The following SEMA5A variants were observed in gnomAD, a reference collection of about 807,000 sequenced individuals.
SEMA5A encodes semaphorin 5A.
Under a neutral mutation model 135.5 loss-of-function variants are expected in SEMA5A, and 55 were observed. The ratio of observed to expected loss-of-function variants is 0.41; its 90% CI spans 0.33 to 0.51. The LOEUF is 0.51. SEMA5A is among the 20% of genes least tolerant of loss of function. The pLI, the probability that SEMA5A is intolerant of heterozygous loss-of-function variation, is 0.37. For synonymous variants in SEMA5A, 580 were observed against 546.5 expected (o/e 1.06, Z -0.85); for missense variants, 1,290 against 1,419.9 (o/e 0.91, Z 1.47).
chr5:9,078,525 C>CA (rs35803675), intron 16 of SEMA5A, among the ~76,000 whole-genome samples: 1,461 of 130,910 alleles, frequency 0.011, 13 homozygotes, highest in African/African-American at 0.032. Flanking sequence ...CTTTGAAGGA[C>CA]AAAAAAAAAA....
chr5:9,513,067 T>C (rs200767701), intron 1 of SEMA5A, among the ~76,000 whole-genome samples: 1 of 80,260 alleles, frequency 1.2e-5, no homozygotes, highest in Non-Finnish European at 2.7e-5. Context: ...TATATATATA[T>C]AATATATATA....
chr5:9,054,952 A>G (rs1736807707), intron 18 of SEMA5A, among the ~76,000 whole-genome samples: 1 of 152,164 alleles, frequency 6.6e-6, no homozygotes, highest in Admixed American at 6.5e-5. Flanking sequence ...TTACAATGTG[A>G]AAGTTAGGCC....
chr5:9,330,542 T>C (rs1446766940), intron 4 of SEMA5A, among the ~76,000 whole-genome samples: 2 of 152,092 alleles, frequency 1.3e-5, no homozygotes, highest in Non-Finnish European at 2.9e-5. Flanking sequence ...GCACACACCC[T>C]GAGCCAGCTA....
chr5:9,044,302 GGGCATC>G, intron 22 of SEMA5A, 65 bp downstream of exon 22: 2 of 1,266,600 alleles, frequency 1.6e-6, no homozygotes, highest in Non-Finnish European at 2.3e-6. Context: ...AGCAGAGAAA[GGGCATC>G]AAAATACTCC....
At chr5:9,114,777 T>C (rs767810373) in intron 15 of SEMA5A, among the ~76,000 whole-genome samples, 5 of 152,340 alleles carry the variant, frequency 3.3e-5, no homozygotes, top group Admixed American at 6.5e-5. Context: ...TCACTTTTAA[T>C]GGCAAAAGAT....
chr5:9,106,581 G>GGTTTCCC (rs773378019), intron 16 of SEMA5A, among the ~76,000 whole-genome samples: 3 of 152,162 alleles, frequency 2.0e-5, no homozygotes, highest in Non-Finnish European at 4.4e-5. Flanking sequence ...CCCAGCAAAT[G>GGTTTCCC]AGACAAACCT....
At chr5:9,116,431 G>T (rs1179982806) in intron 15 of SEMA5A, among the ~76,000 whole-genome samples, 1 of 152,126 alleles carries the variant, frequency 6.6e-6, no homozygotes, top group Non-Finnish European at 1.5e-5. Flanking sequence ...TCAAGGAAAT[G>T]TCAGAAGAGA....
rs928152682 is a variant in SEMA5A at position 9,108,648 on chromosome 5, T to C, written c.1926-361A>G. On this transcript the variant is annotated intron_variant, in intron 15 of 22. Coordinates refer to ENST00000382496, the MANE Select transcript of SEMA5A (RefSeq NM_003966.3). ...GGCATTTATCTTGTGAACATAAACA[T>C]TGAAAGATAAAGCAGATTACAGATA... Among the ~76,000 whole-genome samples the C allele has an allele frequency of 3.9e-5, 6 of 152,278 alleles. No homozygotes were observed. The East Asian group carries it at 5.8e-4, about 15-fold the overall frequency.
At chr5:9,091,101 C>G (rs1739008785) in intron 16 of SEMA5A, among the ~76,000 whole-genome samples, 1 of 152,172 alleles carries the variant, frequency 6.6e-6, no homozygotes, top group Non-Finnish European at 1.5e-5. Context: ...ACAGTAAACT[C>G]ACAGTCACCC....
At chr5:9,423,432 C>A (rs1412628152) in intron 2 of SEMA5A, among the ~76,000 whole-genome samples, 1 of 152,218 alleles carries the variant, frequency 6.6e-6, no homozygotes, top group Admixed American at 6.5e-5. Flanking sequence ...AGCCTTTTCA[C>A]AAAGGCTTCC....
intron 2 of SEMA5A, among the ~76,000 whole-genome samples, chr5:9,409,236 G>T (rs989037086): frequency 2.6e-5 from 4 of 152,188 alleles, no homozygotes; most frequent in Non-Finnish European, 2.9e-5. Context: ...ACATGAAAAT[G>T]ATTCACTAGA....
At chr5:9,454,294 A>G (rs534824207) in intron 1 of SEMA5A, among the ~76,000 whole-genome samples, 1 of 152,296 alleles carries the variant, frequency 6.6e-6, no homozygotes, top group Admixed American at 6.5e-5. Flanking sequence ...TCATCAGATA[A>G]TGATCTTTGT....
chr5:9,224,739 A>G lies in SEMA5A; in HGVS notation c.581T>C (p.Ile194Thr). Residue 194 changes from isoleucine to threonine, a missense_variant, in exon 8 of 23, where the codon ATT becomes ACT. Transcript: ENST00000382496. ...AGGTAAAATGCCTAGGCTTCGGTAA[A>G]TGGCAGGATCACGTCCTGGAAAATC... ...AMDFPGRDPA[I>T]YRSLGILPPL... is the part of the protein sequence containing the mutation. 3 of 1,614,122 alleles carry G rather than the reference A, an allele frequency of 1.9e-6. No homozygotes were observed. Among genetic ancestry groups the G allele is most frequent in the Non-Finnish European group, 2.5e-6 (3 of 1,180,020 alleles).
chr5:9,424,232 A>T (rs111788250), intron 2 of SEMA5A, among the ~76,000 whole-genome samples: 20 of 152,324 alleles, frequency 1.3e-4, no homozygotes, highest in Non-Finnish European at 2.5e-4. Context: ...TCATTGTAAG[A>T]GTCTGATCTT....
At chr5:9,206,838 T>C (rs1300524691) in intron 8 of SEMA5A, among the ~76,000 whole-genome samples, 1 of 151,466 alleles carries the variant, frequency 6.6e-6, no homozygotes, top group Non-Finnish European at 1.5e-5. Flanking sequence ...TGACATCTGA[T>C]ATTTTCTGTT....
chr5:9,408,149 A>G (rs1166689090), intron 2 of SEMA5A, among the ~76,000 whole-genome samples: 1 of 151,452 alleles, frequency 6.6e-6, no homozygotes, highest in Non-Finnish European at 1.5e-5. Flanking sequence ...CAACATCATT[A>G]TCACCACCAC....
intron 2 of SEMA5A, among the ~76,000 whole-genome samples, chr5:9,408,373 C>A (rs1453813858): frequency 6.6e-6 from 1 of 152,232 alleles, no homozygotes; most frequent in Non-Finnish European, 1.5e-5. Context: ...TGCACTTTTA[C>A]AATTCCAGAA....
chr5:9,418,166 T>C (rs534527869), intron 2 of SEMA5A, among the ~76,000 whole-genome samples: 45 of 152,116 alleles, frequency 3.0e-4, no homozygotes, highest in Middle Eastern at 6.8e-3. Flanking sequence ...TTAGTAGAGA[T>C]GGGGTTTCAC....
intron 18 of SEMA5A, among the ~76,000 whole-genome samples, chr5:9,061,180 C>G (rs992221576): frequency 6.6e-6 from 1 of 152,016 alleles, no homozygotes; most frequent in African/African-American, 2.4e-5. Context: ...CCAGGATGCA[C>G]TCTCCCTAAA....
Sources: allele counts gnomAD v4.1 joint callset (sites outside exome capture counted in the v4.1 genomes callset), GRCh38; gene constraint gnomAD v4.1.1; transcripts MANE v1.5; gene names NCBI Gene and HGNC (gene_info 2026-07-23, HGNC 2026-07-21).